ADAM2: variants seen among roughly 807,000 people sequenced by gnomAD.
ADAM2 encodes the protein disintegrin and metalloproteinase domain-containing protein 2.
A neutral mutation model predicts 99.3 loss-of-function variants in ADAM2; 101 were observed. The observed-to-expected ratio is 1.02, with a 90% confidence interval of 0.87 to 1.20. The LOEUF is 1.20. ADAM2 is among the 50% of genes most tolerant of loss of function. The probability of loss-of-function intolerance (pLI) is 0.00; values close to 1 mark genes in which losing one functional copy is unlikely to be tolerated. For missense variants in ADAM2, 948 were observed against 878.7 expected (o/e 1.08, Z -1.00); for synonymous variants, 323 against 287.6 (o/e 1.12, Z -1.25).
intron 11 of ADAM2, among the ~76,000 whole-genome samples, chr8:39,776,315 T>A (rs1802985863): frequency 6.6e-6 from 1 of 152,054 alleles, no homozygotes; most frequent in African/African-American, 2.4e-5. Flanking sequence ...TAAGCACAAA[T>A]ATTTTAGGGA....
intron 6 of ADAM2, among the ~76,000 whole-genome samples, chr8:39,811,755 C>T (rs1804706240): frequency 6.6e-6 from 1 of 152,130 alleles, no homozygotes; most frequent in Admixed American, 6.6e-5. Context: ...TCTCAATAAA[C>T]TAGGTATTGA....
chr8:39,784,802 T>C (rs1055612562), intron 10 of ADAM2, among the ~76,000 whole-genome samples: 9 of 152,200 alleles, frequency 5.9e-5, no homozygotes, highest in African/African-American at 1.9e-4. Context: ...TGAAGATTAA[T>C]TTTTGTTGAG....
intron 6 of ADAM2, among the ~76,000 whole-genome samples, chr8:39,820,316 T>C (rs1805124437): frequency 6.6e-6 from 1 of 152,152 alleles, no homozygotes; most frequent in African/African-American, 2.4e-5. Context: ...GCCACAGAGC[T>C]GAGATTACTG....
chr8:39,796,562 T>A (rs891159344), intron 7 of ADAM2, among the ~76,000 whole-genome samples: 2 of 152,178 alleles, frequency 1.3e-5, no homozygotes, highest in Admixed American at 6.5e-5. Flanking sequence ...TACCCAGTAA[T>A]GGGATTGCTG....
At position 39,798,616 on chromosome 8, in the gene ADAM2, A is replaced by G. The variant is rs550629272; in HGVS notation, c.571-9876T>C. On this transcript the variant is annotated intron_variant, in intron 7 of 20. Coordinates refer to ENST00000265708, the MANE Select transcript of ADAM2 (RefSeq NM_001464.5). ...TTGGAATAGTTTCAGAAGTAATGGTACCAGCTCCTCTTTGTATTTCTGGTA... is the reference window on the plus strand; with the variant it reads ...TTGGAATAGTTTCAGAAGTAATGGTGCCAGCTCCTCTTTGTATTTCTGGTA... Among the ~76,000 whole-genome samples, 126 of 152,278 alleles carry G rather than the reference A, an allele frequency of 8.3e-4. 1 individual carries two copies. The highest frequency in any genetic ancestry group is 1.5e-3 in the Non-Finnish European group (104 of 68,018).
At chr8:39,828,233 C>T (rs1001228476) in intron 3 of ADAM2, among the ~76,000 whole-genome samples, 10 of 151,390 alleles carry the variant, frequency 6.6e-5, no homozygotes, top group Non-Finnish European at 1.0e-4. Context: ...AATAGTAATA[C>T]TTCATGGGGA....
chr8:39,823,810 T>G (rs1805292738), intron 4 of ADAM2, among the ~76,000 whole-genome samples: 1 of 152,158 alleles, frequency 6.6e-6, no homozygotes, highest in African/African-American at 2.4e-5. Context: ...CATAGAGTTG[T>G]GTACTCTCTT....
At chr8:39,793,147 C>G (rs898420346) in intron 7 of ADAM2, among the ~76,000 whole-genome samples, 2 of 152,066 alleles carry the variant, frequency 1.3e-5, no homozygotes, top group African/African-American at 2.4e-5. Context: ...ATTCTTTTCA[C>G]GATCATGTTG....
chr8:39,822,307 T>C (rs907136123), intron 4 of ADAM2, among the ~76,000 whole-genome samples: 1 of 152,174 alleles, frequency 6.6e-6, no homozygotes, highest in Non-Finnish European at 1.5e-5. Context: ...TCCAGATTGA[T>C]AACATTTCTA....
intron 10 of ADAM2, 104 bp from the exon 11 acceptor site, chr8:39,777,265 T>C: frequency 1.2e-6 from 1 of 845,664 alleles, no homozygotes. Context: ...TAGGGGCATC[T>C]GTTATCCCAA....
At chr8:39,806,503 T>C (rs1467157667) in intron 7 of ADAM2, among the ~76,000 whole-genome samples, 1 of 148,136 alleles carries the variant, frequency 6.8e-6, no homozygotes, top group East Asian at 1.9e-4. Context: ...ATTATATTAT[T>C]TGTAATATTA....
intron 14 of ADAM2, among the ~76,000 whole-genome samples, chr8:39,764,047 A>G (rs955071228): frequency 6.6e-6 from 1 of 152,194 alleles, no homozygotes; most frequent in African/African-American, 2.4e-5. Flanking sequence ...AATAGTCTGA[A>G]CCTGAGCAGG....
chr8:39,837,712 A>G (rs1285838404), intron 1 of ADAM2, among the ~76,000 whole-genome samples: 1 of 152,046 alleles, frequency 6.6e-6, no homozygotes. Context: ...AAGTAGGTGT[A>G]TTGCTTTAGG....
At chr8:39,801,989 G>C (rs1008729043) in intron 7 of ADAM2, among the ~76,000 whole-genome samples, 1 of 152,168 alleles carries the variant, frequency 6.6e-6, no homozygotes, top group African/African-American at 2.4e-5. Context: ...GAGCTCAAAT[G>C]GTGTAGACAG....
intron 10 of ADAM2, among the ~76,000 whole-genome samples, chr8:39,786,083 A>C (rs1803456788): frequency 6.6e-6 from 1 of 152,210 alleles, no homozygotes; most frequent in Non-Finnish European, 1.5e-5. Flanking sequence ...GCGTGTTCTC[A>C]CTTATAAGTG....
chr8:39,749,576 T>TGTGTGTGTGC (rs1823626921), intron 17 of ADAM2, 91 bp downstream of exon 17: 1 of 1,339,092 alleles, frequency 7.5e-7, no homozygotes, highest in South Asian at 1.3e-5. Flanking sequence ...TGTGTGTGTG[T>TGTGTGTGTGC]GTGTGTGTGC....
chr8:39,767,445 T>C lies in ADAM2; in HGVS notation c.1213-194A>G, dbSNP rs1802616376. 2.6e-5 allele frequency among the ~76,000 whole-genome samples: 4 copies of C among 152,240 alleles called. No individual in the cohort carries two copies. In the South Asian group the frequency reaches 8.3e-4, roughly 31 times the overall value. On this transcript the variant is annotated intron_variant, in intron 12 of 20. Transcript: ENST00000265708. ...ATTACCTACTAATTGCCAGACCATG[T>C]GTTGCTCATATTGCTATAATAGGTT...
intron 6 of ADAM2, among the ~76,000 whole-genome samples, chr8:39,814,850 A>AAT (rs1234146730): frequency 1.3e-5 from 2 of 150,662 alleles, no homozygotes; most frequent in Non-Finnish European, 3.0e-5. Context: ...ATATATATGT[A>AAT]ATATATATAT....
chr8:39,793,186 T>C lies in ADAM2; in HGVS notation c.571-4446A>G, dbSNP rs190307725. ...TAATGGACTTTTACCCCCACCTTATTTATTTCAGCAAATGATAGTATTTAG... is the reference window on the plus strand; with the variant it reads ...TAATGGACTTTTACCCCCACCTTATCTATTTCAGCAAATGATAGTATTTAG... On this transcript the variant is annotated intron_variant, in intron 7 of 20. Transcript: ENST00000265708. 8.9e-4 allele frequency among the ~76,000 whole-genome samples: 135 copies of C among 152,242 alleles called. 5 individuals are homozygous for C. Among genetic ancestry groups the C allele is most frequent in the South Asian group, 6.2e-4 (3 of 4,826 alleles).
Sources: gnomAD v4.1 joint callset for allele counts (sites outside exome capture counted in the v4.1 genomes callset) on GRCh38, gnomAD v4.1.1 for gene constraint, MANE v1.5 for transcripts, NCBI Gene and HGNC (gene_info 2026-07-23, HGNC 2026-07-21) for gene names.